Variants in SLFNL1 observed in about 807,000 individuals in gnomAD.
SLFNL1 encodes the protein schlafen-like protein 1.
SLFNL1 carries 26 observed loss-of-function variants against 32.5 expected under a neutral mutation model. That is an observed-to-expected ratio of 0.80 (90% CI 0.59 to 1.11). The LOEUF is 1.11. SLFNL1 is among the 50% of genes least tolerant of loss of function. The pLI, the probability that SLFNL1 is intolerant of heterozygous loss-of-function variation, is 0.00. For missense variants in SLFNL1, 553 were observed against 546.5 expected (o/e 1.01, Z -0.12); for synonymous variants, 255 against 242.2 (o/e 1.05, Z -0.49).
At chr1:41,019,653 C>T (rs938775333) in intron 3 of SLFNL1, among the ~76,000 whole-genome samples, 2 of 152,216 alleles carry the variant, frequency 1.3e-5, no homozygotes, top group Admixed American at 6.5e-5. Flanking sequence ...CTTGCAAGTG[C>T]CTGTCCAACT....
In SLFNL1 at chr1:41,017,622, C is replaced by T. The variant is rs758334308; in HGVS notation, c.957+13G>A. ...ATGACAGGCCCAGAGGCCCTCCTGTCCTGCAGGCTCACCTTGAGGGGGACG... is the reference window on the plus strand; with the variant it reads ...ATGACAGGCCCAGAGGCCCTCCTGTTCTGCAGGCTCACCTTGAGGGGGACG... On this transcript the variant is annotated intron_variant, in intron 4 of 5. Transcript: ENST00000302946. The surrounding 1 kb of genome is among the most constrained non-coding windows in gnomAD (Gnocchi z 4.9). The T allele has an allele frequency of 1.3e-6, 2 of 1,519,192 alleles. No homozygotes were observed. The highest frequency in any genetic ancestry group is 4.3e-5 in the Admixed American group (2 of 46,470). The allele number at this position is 1,519,192 out of a possible 1,614,324, so 94.1% of individuals were successfully genotyped here. A position where few individuals can be genotyped will look rare whatever the true frequency, so the allele number is the denominator to read the frequency against.
At position 41,020,411 on chromosome 1, in the gene SLFNL1, C is replaced by T. The variant is rs148992629; in HGVS notation, c.250G>A (p.Glu84Lys). 1.2e-6 allele frequency: 2 copies of T among 1,613,106 alleles called. No individual in the cohort carries two copies. The highest frequency in any genetic ancestry group is 3.3e-5 in the Admixed American group (2 of 60,032). ...LEMPVAREHI[E>K]VVRRPRKAYA... ...GCCTTCCGCGGCCGCCTCACCACTT[C>T]AATGTGCTCCCGCGCCACCGGCATC... The change falls in exon 3 of 6, where the codon GAA becomes AAA. Residue 84 changes from glutamate (E) to lysine (K), a missense_variant. Physicochemically the swap from Glu to Lys is moderately conservative, Grantham distance 56 (BLOSUM62 1). Coordinates refer to ENST00000302946, the MANE Select transcript of SLFNL1 (RefSeq NM_144990.4).
rs1157616832 is a variant in SLFNL1 at position 41,020,496 on chromosome 1, G to A, written c.165C>T (p.Asn55=). The A allele has an allele frequency of 6.2e-7, 1 of 1,613,464 alleles. No homozygotes were observed. Among genetic ancestry groups the A allele is most frequent in the South Asian group, 1.1e-5 (1 of 91,066 alleles). Residue 55 remains asparagine, a synonymous_variant, in exon 3 of 6, where the codon AAC becomes AAT. Coordinates refer to ENST00000302946, the MANE Select transcript of SLFNL1 (RefSeq NM_144990.4). ...SAHTLYVGHL[N]PQFSVPVLAC... is the part of the protein sequence containing the mutation. ...CAAGCACCGGCACTGAGAACTGGGG[G>A]TTCAGATGGCCCACATAGAGAGTGT...
Position 41,018,838 on chromosome 1 carries a change from T to G in SLFNL1, c.436-682A>C, listed in dbSNP as rs867730095. Among the ~76,000 whole-genome samples the G allele has an allele frequency of 5.8e-5, 8 of 137,968 alleles. 1 individual carries two copies. Among genetic ancestry groups the G allele is most frequent in the African/African-American group, 1.3e-4 (5 of 37,184 alleles). The allele number at this position is 137,968 out of a possible 152,430, so 90.5% of individuals were successfully genotyped here. On this transcript the variant is annotated intron_variant, in intron 3 of 5. Transcript: ENST00000302946. ...CATGTCAACCCTCCTGTTTTTTTTT[T>G]TTTTTTTTTTTTTTTGAGACAGAGT...
chr1:41,017,471 T>C lies in SLFNL1; in HGVS notation c.958-94A>G. ...TGCTCAGCATTGCTCACTGATTCCT[T>C]AGGGCAGGCCAGCAGGGCTGGCACA... On this transcript the variant is annotated intron_variant, in intron 4 of 5. Transcript: ENST00000302946. This position sits in a 1 kb window ranked among gnomAD's most constrained non-coding sequence, Gnocchi z 4.9. The C allele has an allele frequency of 6.5e-7, 1 of 1,530,942 alleles. No homozygotes were observed. Among genetic ancestry groups the C allele is most frequent in the Non-Finnish European group, 8.8e-7 (1 of 1,140,194 alleles). 94.8% of individuals were successfully genotyped at this position (1,530,942 alleles called of 1,614,324 possible).
At chr1:41,020,081 C>T in intron 3 of SLFNL1, 145 bp downstream of exon 3, 1 of 813,076 alleles carries the variant, frequency 1.2e-6, no homozygotes, top group Non-Finnish European at 1.9e-6. Context: ...AAGCCATGGT[C>T]ATTTGAGTGG....
chr1:41,016,065 GGTGGAGAGTGCC>G lies in SLFNL1; in HGVS notation c.*29_*40del. On this transcript the variant is annotated 3_prime_UTR_variant, in exon 6 of 6. Coordinates refer to ENST00000302946, the MANE Select transcript of SLFNL1 (RefSeq NM_144990.4). ...TCAAACAGGAAATCCCTGGGTCTCA[GGTGGAGAGTGCC>G]GTGCCGTCCTGCCTGCTCCCCAGGG... 1 of 1,591,400 alleles carries G rather than the reference GGTGGAGAGTGCC, an allele frequency of 6.3e-7. No individual in the cohort carries two copies. The highest frequency in any genetic ancestry group is 8.6e-7 in the Non-Finnish European group (1 of 1,167,070).
rs1643449602 is a variant in SLFNL1 at position 41,017,544 on chromosome 1, C to T, written c.957+91G>A. 4.0e-6 allele frequency: 6 copies of T among 1,495,736 alleles called. No individual in the cohort carries two copies. Among genetic ancestry groups the T allele is most frequent in the Non-Finnish European group, 8.9e-7 (1 of 1,122,326 alleles). The allele number at this position is 1,495,736 out of a possible 1,614,324, so 92.7% of individuals were successfully genotyped here. A position where few individuals can be genotyped will look rare whatever the true frequency, so the allele number is the denominator to read the frequency against. On this transcript the variant is annotated intron_variant, in intron 4 of 5. Transcript: ENST00000302946. The surrounding 1 kb of genome is among the most constrained non-coding windows in gnomAD (Gnocchi z 4.9). Reference sequence around the variant, plus strand: ...CCTGTGGCCCCCAGTCCCGTCCCTGCCCCAGCACTGCCTGGCAGGAGTGCA... The same window carrying T: ...CCTGTGGCCCCCAGTCCCGTCCCTGTCCCAGCACTGCCTGGCAGGAGTGCA...
chr1:41,017,815 G>T lies in SLFNL1; in HGVS notation c.777C>A (p.Leu259=). 1.3e-6 allele frequency: 2 copies of T among 1,599,364 alleles called. No homozygotes were observed. The highest frequency in any genetic ancestry group is 1.7e-6 in the Non-Finnish European group (2 of 1,169,562). ...AFLNSEGGSL[L]VGVEDSGLVQ... is the part of the protein sequence containing the mutation. ...CCAGGCCGCTGTCCTCTACTCCCAC[G>T]AGCAGGCTGCCGCCCTCGCTGTTGA... is the stretch of plus-strand genomic sequence containing the variant. The change falls in exon 4 of 6, where the codon CTC becomes CTA. Residue 259 remains leucine (L), a synonymous_variant. Transcript: ENST00000302946. The surrounding 1 kb of genome is among the most constrained non-coding windows in gnomAD (Gnocchi z 4.9).
chr1:41,017,899 GCTACCCC>G lies in SLFNL1; in HGVS notation c.686_692del (p.Arg229ProfsTer32). ...TGAAGGCCAGGCTGAGGTACTCGCC[GCTACCCC>G]GCTTGAACTCCATATTGCGGGTCTC... On this transcript the variant is annotated frameshift_variant, in exon 4 of 6. Transcript: ENST00000302946. LOFTEE classifies it high-confidence loss of function. The surrounding 1 kb of genome is among the most constrained non-coding windows in gnomAD (Gnocchi z 4.9). 6.2e-6 allele frequency: 10 copies of G among 1,611,922 alleles called. No homozygotes were observed. The highest frequency in any genetic ancestry group is 8.5e-6 in the Non-Finnish European group (10 of 1,179,044).
chr1:41,019,805 A>C (rs1156348503), intron 3 of SLFNL1, among the ~76,000 whole-genome samples: 1 of 152,186 alleles, frequency 6.6e-6, no homozygotes, highest in African/African-American at 2.4e-5. Context: ...CCACAGATGC[A>C]GGGCTTCCTG....
At chr1:41,018,215 C>A in intron 3 of SLFNL1, 59 bp from the exon 4 acceptor site, 3 of 1,417,756 alleles carry the variant, frequency 2.1e-6, no homozygotes, top group Non-Finnish European at 2.8e-6. Flanking sequence ...AGCCCTGACC[C>A]TGAGAAGGAC....
chr1:41,017,247 T>TCCTGGATGGCGCTGGCAGACAGCGGGC lies in SLFNL1; in HGVS notation c.1061_1087dup (p.Gly354_Gln362dup). On this transcript the variant is annotated inframe_insertion, in exon 5 of 6. Transcript: ENST00000302946. This position sits in a 1 kb window ranked among gnomAD's most constrained non-coding sequence, Gnocchi z 4.9. ...CAGCTTCCGTACCTGCCTGCACCAC[T>TCCTGGATGGCGCTGGCAGACAGCGGGC]CCTGGATGGCGCTGGCAGACAGCGG... The TCCTGGATGGCGCTGGCAGACAGCGGGC allele has an allele frequency of 6.3e-7, 1 of 1,584,298 alleles. No homozygotes were observed.
In SLFNL1 at chr1:41,017,524, G is replaced by A. The variant is rs1643445877; in HGVS notation, c.957+111C>T. 2.0e-6 allele frequency: 3 copies of A among 1,490,026 alleles called. No individual in the cohort carries two copies. The highest frequency in any genetic ancestry group is 1.8e-6 in the Non-Finnish European group (2 of 1,118,330). The allele number at this position is 1,490,026 out of a possible 1,614,324, so 92.3% of individuals were successfully genotyped here. On this transcript the variant is annotated intron_variant, in intron 4 of 5. Coordinates refer to ENST00000302946, the MANE Select transcript of SLFNL1 (RefSeq NM_144990.4). This position sits in a 1 kb window ranked among gnomAD's most constrained non-coding sequence, Gnocchi z 4.9. Reference sequence around the variant, plus strand: ...GGCCATCCCCAGCCTCTTCTCCTGTGGCCCCCAGTCCCGTCCCTGCCCCAG... The same window carrying A: ...GGCCATCCCCAGCCTCTTCTCCTGTAGCCCCCAGTCCCGTCCCTGCCCCAG...
In SLFNL1 at chr1:41,019,857, C is replaced by G. The variant is rs979729024; in HGVS notation, c.435+369G>C. Among the ~76,000 whole-genome samples, 10 of 152,178 alleles carry G rather than the reference C, an allele frequency of 6.6e-5. No homozygotes were observed. In the East Asian group the frequency reaches 1.9e-3, roughly 29 times the overall value. On this transcript the variant is annotated intron_variant, in intron 3 of 5. Transcript: ENST00000302946. ...TCTCATCCCTGCCTTACTCTTGGCA[C>G]AGAGGGGGTGTTCATGTTTGTCAAT...
In SLFNL1 at chr1:41,020,732, C is replaced by T. The variant is rs949803459; in HGVS notation, c.-72G>A. ...CTGCTTCTCCCAGGGTCTGTGTTCT[C>T]AGTGTGGCTTAAGGGCTCCCAGAGG... On this transcript the variant is annotated 5_prime_UTR_variant, in exon 3 of 6. Transcript: ENST00000302946. 7.0e-5 allele frequency: 102 copies of T among 1,462,510 alleles called. No individual in the cohort carries two copies. The highest frequency in any genetic ancestry group is 9.4e-5 in the Non-Finnish European group (101 of 1,073,068). 90.6% of individuals were successfully genotyped at this position (1,462,510 alleles called of 1,614,324 possible). A position where few individuals can be genotyped will look rare whatever the true frequency, so the allele number is the denominator to read the frequency against.
chr1:41,020,350 G>A lies in SLFNL1; in HGVS notation c.311C>T (p.Thr104Ile), dbSNP rs1643740641. 6.2e-7 allele frequency: 1 copy of A among 1,613,532 alleles called. No homozygotes were observed. The highest frequency in any genetic ancestry group is 8.5e-7 in the Non-Finnish European group (1 of 1,180,028). ...ALVQVTVHRD[T>I]LASLPWRLQT... is the part of the protein sequence containing the mutation. Reference sequence around the variant, plus strand: ...CAGGCGCCAGGGGAGGGAGGCCAGGGTGTCCCTGTGGACAGTCACCTGCAC... The same window carrying A: ...CAGGCGCCAGGGGAGGGAGGCCAGGATGTCCCTGTGGACAGTCACCTGCAC... The change falls in exon 3 of 6, where the codon ACC (threonine) becomes ATC (isoleucine). Residue 104 changes from threonine (T) to isoleucine (I), a missense_variant. Transcript: ENST00000302946.
chr1:41,020,424 C>G lies in SLFNL1; in HGVS notation c.237G>C (p.Ala79=). The G allele has an allele frequency of 6.2e-7, 1 of 1,613,070 alleles. No individual in the cohort carries two copies. The highest frequency in any genetic ancestry group is 8.5e-7 in the Non-Finnish European group (1 of 1,180,020). The part of the protein sequence containing the change: ...DTLERLEMPV[A]REHIEVVRRP... ...GCCTCACCACTTCAATGTGCTCCCGCGCCACCGGCATCTCCAGCCGCTCCA... is the reference window on the plus strand; with the variant it reads ...GCCTCACCACTTCAATGTGCTCCCGGGCCACCGGCATCTCCAGCCGCTCCA... The change falls in exon 3 of 6, where the codon GCG becomes GCC. Residue 79 remains alanine, a synonymous_variant. Coordinates refer to ENST00000302946, the MANE Select transcript of SLFNL1 (RefSeq NM_144990.4).
chr1:41,018,459 CTGGG>C, intron 3 of SLFNL1: 1 of 334,886 alleles, frequency 3.0e-6, no homozygotes, highest in Admixed American at 4.5e-5. Flanking sequence ...GGGCTGGGTG[CTGGG>C]ACATGTGTGG....
Sources: allele counts gnomAD v4.1 joint callset (sites outside exome capture counted in the v4.1 genomes callset), GRCh38; gene constraint gnomAD v4.1.1; non-coding constraint Gnocchi (gnomAD v3.1); transcripts MANE v1.5; gene names NCBI Gene and HGNC (gene_info 2026-07-23, HGNC 2026-07-21).